DISC1: variants seen among roughly 807,000 people sequenced by gnomAD.
DISC1 encodes disrupted in schizophrenia 1 protein.
A neutral mutation model predicts 84.5 loss-of-function variants in DISC1; 57 were observed. The ratio of observed to expected loss-of-function variants is 0.67; its 90% CI spans 0.55 to 0.84. The LOEUF is 0.84. Ranked by LOEUF, DISC1 falls within the 40% of genes least tolerant of loss-of-function variation. The pLI is 0.00. For synonymous variants in DISC1, 411 were observed against 415.2 expected (o/e 0.99, Z 0.12); for missense variants, 1,000 against 1,057.8 (o/e 0.95, Z 0.76).
At chr1:231,741,588 G>A (rs896428691) in intron 3 of DISC1, among the ~76,000 whole-genome samples, 1 of 152,156 alleles carries the variant, frequency 6.6e-6, no homozygotes, top group Non-Finnish European at 1.5e-5. Flanking sequence ...GGAGGTGAGG[G>A]TGTGGTGGCT....
chr1:231,704,759 C>CAA (rs146300199), intron 3 of DISC1, among the ~76,000 whole-genome samples: 8,589 of 24,338 alleles, frequency 0.35, 2,635 homozygotes, highest in Non-Finnish European at 0.53. Flanking sequence ...GACTCCGTCT[C>CAA]AAAAAAAAAA....
chr1:231,911,613 C>T (rs1558723157), intron 9 of DISC1, among the ~76,000 whole-genome samples: 2 of 152,178 alleles, frequency 1.3e-5, no homozygotes, highest in African/African-American at 2.4e-5. Flanking sequence ...AACATATTTT[C>T]CTTCATTTCA....
At position 232,009,267 on chromosome 1, in the gene DISC1, T is replaced by A; in HGVS notation, c.2307+218T>A. 1 of 1,351,172 alleles carries A rather than the reference T, an allele frequency of 7.4e-7. No homozygotes were observed. The highest frequency in any genetic ancestry group is 1.7e-5 in the South Asian group (1 of 59,618). 83.7% of individuals were successfully genotyped at this position (1,351,172 alleles called of 1,614,324 possible). ...GCAAAAAAACCCAACTTTTGGCATA[T>A]TTAGTTCCATTTTCATTCTAATTTA... On this transcript the variant is annotated intron_variant, in intron 11 of 12. Transcript: ENST00000439617. The surrounding 1 kb of genome is among the most constrained non-coding windows in gnomAD (Gnocchi z 4.6).
chr1:231,776,843 T>C (rs1025980517), intron 6 of DISC1, among the ~76,000 whole-genome samples: 2 of 152,138 alleles, frequency 1.3e-5, no homozygotes, highest in Non-Finnish European at 2.9e-5. Flanking sequence ...GGAAAACTGA[T>C]CCTGAATCTA....
At position 232,037,374 on chromosome 1, in the gene DISC1, C is replaced by T. The variant is rs1259045006; in HGVS notation, c.*543C>T. ...TACTTCTCCTGTGATCTAATATTAT[C>T]TTAGAAAAATTAATATGCAATTTCC... On this transcript the variant is annotated 3_prime_UTR_variant, in exon 13 of 13. Transcript: ENST00000439617. 1 of 152,172 alleles carries T rather than the reference C, an allele frequency of 6.6e-6. No homozygotes were observed. Among genetic ancestry groups the T allele is most frequent in the Non-Finnish European group, 1.5e-5 (1 of 68,042 alleles). 9.4% of individuals were successfully genotyped at this position (152,172 alleles called of 1,614,324 possible).
chr1:232,032,521 G>A (rs1161941468), intron 12 of DISC1, among the ~76,000 whole-genome samples: 1 of 152,146 alleles, frequency 6.6e-6, no homozygotes, highest in African/African-American at 2.4e-5. Flanking sequence ...GGTACAGAAT[G>A]GCCTTGGGTT....
At chr1:231,946,704 A>T (rs147069441) in intron 9 of DISC1, among the ~76,000 whole-genome samples, 7 of 152,236 alleles carry the variant, frequency 4.6e-5, no homozygotes, top group South Asian at 2.1e-4. Flanking sequence ...ATTGTATATT[A>T]AAAAAACTCC....
intron 3 of DISC1, among the ~76,000 whole-genome samples, chr1:231,703,419 T>C (rs12040182): frequency 0.28 from 41,969 of 152,170 alleles, 6,244 homozygotes; most frequent in Non-Finnish European, 0.33. Context: ...AGGGCTCACC[T>C]GCTGGATTTC....
intron 10 of DISC1, among the ~76,000 whole-genome samples, chr1:231,981,235 T>C (rs1157409858): frequency 6.6e-6 from 1 of 152,250 alleles, no homozygotes; most frequent in South Asian, 2.1e-4. Context: ...TGAGCCACTG[T>C]GCCTGGCCTG....
chr1:231,892,838 T>A (rs2087350587), intron 9 of DISC1, among the ~76,000 whole-genome samples: 1 of 151,978 alleles, frequency 6.6e-6, no homozygotes, highest in Non-Finnish European at 1.5e-5. Flanking sequence ...CTCATGCAAA[T>A]GACTGAGAAG....
At chr1:231,950,437 G>T (rs1658153430) in intron 9 of DISC1, among the ~76,000 whole-genome samples, 1 of 152,156 alleles carries the variant, frequency 6.6e-6, no homozygotes, top group Admixed American at 6.5e-5. Context: ...ACCCAAATAT[G>T]CCTGCTGCTG....
In DISC1 at chr1:231,694,730, C is replaced by T. The variant is rs750234495; in HGVS notation, c.972C>T (p.His324=). The T allele has an allele frequency of 8.1e-6, 13 of 1,614,020 alleles. No individual in the cohort carries two copies. Among genetic ancestry groups the T allele is most frequent in the Non-Finnish European group, 1.0e-5 (12 of 1,180,054 alleles). ...GGAGCAGCGGCTCAGGGGATGCCCA[C>T]TCTTGGGACACCCTGCTCAGGAAAT... ...GDGSSGSGDA[H]SWDTLLRKWE... is the part of the protein sequence containing the mutation. The change falls in exon 2 of 13, where the codon CAC becomes CAT. Residue 324 remains histidine, a synonymous_variant. Coordinates refer to ENST00000439617, the MANE Select transcript of DISC1 (RefSeq NM_018662.3).
At chr1:231,974,179 G>A (rs1662455066) in intron 10 of DISC1, among the ~76,000 whole-genome samples, 1 of 152,206 alleles carries the variant, frequency 6.6e-6, no homozygotes, top group Non-Finnish European at 1.5e-5. Flanking sequence ...AGGGCAGCAT[G>A]TGCGGGTGCG....
chr1:231,992,209 C>T (rs1020138403), intron 10 of DISC1, among the ~76,000 whole-genome samples: 2 of 152,188 alleles, frequency 1.3e-5, no homozygotes, highest in Admixed American at 1.3e-4. Context: ...AGGCAGCTGA[C>T]GTATCCCTCA....
intron 8 of DISC1, among the ~76,000 whole-genome samples, chr1:231,811,460 G>A (rs1425404006): frequency 2.0e-5 from 3 of 152,226 alleles, no homozygotes; most frequent in East Asian, 1.9e-4. Context: ...CTGGTGTCAC[G>A]CAAGACAAAT....
intron 10 of DISC1, among the ~76,000 whole-genome samples, chr1:231,988,343 T>C (rs1664743975): frequency 6.6e-6 from 1 of 152,238 alleles, no homozygotes; most frequent in Non-Finnish European, 1.5e-5. Context: ...CCCCAAGTGA[T>C]TCATAGGCAC....
At chr1:231,959,858 C>T (rs1036857342) in intron 10 of DISC1, among the ~76,000 whole-genome samples, 4 of 152,180 alleles carry the variant, frequency 2.6e-5, no homozygotes, top group East Asian at 3.9e-4. Flanking sequence ...TCAGATGCTC[C>T]GCTCTGAGTC....
chr1:231,954,725 G>T lies in DISC1; in HGVS notation c.1982-4103G>T, dbSNP rs1659115455. ...GGAGGGGAGTAAGAAGAGAGGAAAA[G>T]GTGAGCTCTATTCTCCGTCAGCGTG... On this transcript the variant is annotated intron_variant, in intron 9 of 12. Coordinates refer to ENST00000439617, the MANE Select transcript of DISC1 (RefSeq NM_018662.3). This position sits in a 1 kb window ranked among gnomAD's most constrained non-coding sequence, Gnocchi z 4.8. Among the ~76,000 whole-genome samples, 1 of 152,202 alleles carries T rather than the reference G, an allele frequency of 6.6e-6. No homozygotes were observed. The highest frequency in any genetic ancestry group is 1.9e-4 in the East Asian group (1 of 5,198).
chr1:231,680,121 G>A (rs2063544149), intron 1 of DISC1, among the ~76,000 whole-genome samples: 1 of 152,178 alleles, frequency 6.6e-6, no homozygotes, highest in South Asian at 2.1e-4. Context: ...CCAGCTACTT[G>A]GGAGGCTGAG....
Sources: allele counts gnomAD v4.1 joint callset (sites outside exome capture counted in the v4.1 genomes callset), GRCh38; gene constraint gnomAD v4.1.1; non-coding constraint Gnocchi (gnomAD v3.1); transcripts MANE v1.5; gene names NCBI Gene and HGNC (gene_info 2026-07-23, HGNC 2026-07-21).